The following SYNPO2 variants were observed in gnomAD, a reference collection of about 807,000 sequenced individuals.
SYNPO2 encodes synaptopodin-2.
SYNPO2 carries 56 observed loss-of-function variants against 85.0 expected under a neutral mutation model. That is an observed-to-expected ratio of 0.66 (90% confidence interval 0.53 to 0.82). The LOEUF (loss-of-function observed/expected upper bound fraction) is 0.82, where lower values mean the gene tolerates loss of function less well. SYNPO2 is among the 40% of genes least tolerant of loss of function. The pLI is 0.00. For synonymous variants in SYNPO2, 602 were observed against 591.1 expected, an observed-to-expected ratio of 1.02 and a Z score of -0.27; for missense variants, 1,575 against 1,534.2, an observed-to-expected ratio of 1.03 and a Z score of -0.44.
At chr4:118,876,717 C>CTTTCTTTCTTTCT (rs1270991080) in intron 1 of SYNPO2, among the ~76,000 whole-genome samples, 2 of 119,606 alleles carry the variant, frequency 1.7e-5, no homozygotes, top group Non-Finnish European at 3.6e-5. Flanking sequence ...TTCTTTCTTT[C>CTTTCTTTCTTTCT]TTTCTTTCTT....
At chr4:118,903,837 G>A (rs1164953308) in intron 1 of SYNPO2, among the ~76,000 whole-genome samples, 1 of 151,804 alleles carries the variant, frequency 6.6e-6, no homozygotes, top group Non-Finnish European at 1.5e-5. Flanking sequence ...TCAGCCTCCC[G>A]AGTCGCTGGG....
intron 1 of SYNPO2, among the ~76,000 whole-genome samples, chr4:119,014,963 T>C (rs563482355): frequency 7.5e-4 from 115 of 152,348 alleles, no homozygotes; most frequent in African/African-American, 2.6e-3. Flanking sequence ...CTACAGTAAA[T>C]GTTCAGTGCA....
rs140073975 is a variant in SYNPO2 at position 118,950,769 on chromosome 4, G to C, written c.105+61628G>C. Among the ~76,000 whole-genome samples, 65 of 152,320 alleles carry C rather than the reference G, an allele frequency of 4.3e-4. 1 individual carries two copies. Among genetic ancestry groups the C allele is most frequent in the Non-Finnish European group, 8.7e-4 (59 of 68,036 alleles). On this transcript the variant is annotated intron_variant, in intron 1 of 4. Coordinates refer to ENST00000307142, the MANE Select transcript of SYNPO2 (RefSeq NM_133477.3). Reference sequence around the variant, plus strand: ...TTGGTTAGTGAGGTCCCACATGCCAGAGCATAAGAATACAGAAAATAATAT... The same window carrying C: ...TTGGTTAGTGAGGTCCCACATGCCACAGCATAAGAATACAGAAAATAATAT...
At chr4:118,902,732 C>G (rs1049088216) in intron 1 of SYNPO2, among the ~76,000 whole-genome samples, 1 of 152,044 alleles carries the variant, frequency 6.6e-6, no homozygotes, top group African/African-American at 2.4e-5. Context: ...AATGTATTCT[C>G]CCCGTGAGAG....
chr4:118,957,054 A>T (rs575470438), intron 1 of SYNPO2, among the ~76,000 whole-genome samples: 233 of 149,740 alleles, frequency 1.6e-3, no homozygotes, highest in Non-Finnish European at 2.7e-3. Flanking sequence ...CAAAAAAAAT[A>T]AAAAAAATAA....
At chr4:118,915,944 A>G (rs530453657) in intron 1 of SYNPO2, among the ~76,000 whole-genome samples, 8 of 152,262 alleles carry the variant, frequency 5.3e-5, no homozygotes, top group African/African-American at 1.7e-4. Flanking sequence ...ACTACCACGT[A>G]AATTAAATAT....
chr4:118,917,788 TTA>T (rs1733401092), intron 1 of SYNPO2, among the ~76,000 whole-genome samples: 1 of 152,244 alleles, frequency 6.6e-6, no homozygotes, highest in Non-Finnish European at 1.5e-5. Flanking sequence ...AGATTTTTTA[TTA>T]TGCCATGAGT....
chr4:118,858,669 T>G (rs74626083), intron 1 of SYNPO2, among the ~76,000 whole-genome samples: 3,921 of 152,242 alleles, frequency 0.026, 145 homozygotes, highest in African/African-American at 0.08. Flanking sequence ...TCCCCTATGA[T>G]ATTACCACAC....
chr4:118,971,724 C>T (rs6855192), intron 1 of SYNPO2, among the ~76,000 whole-genome samples: 105,479 of 151,990 alleles, frequency 0.69, 36,921 homozygotes, highest in South Asian at 0.79. Flanking sequence ...AAGAGAAAGA[C>T]CTGGCCAGCT....
At chr4:118,866,281 G>A (rs1731698296) in intron 1 of SYNPO2, among the ~76,000 whole-genome samples, 2 of 152,146 alleles carry the variant, frequency 1.3e-5, no homozygotes, top group South Asian at 2.1e-4. Flanking sequence ...AAGTAGGAAC[G>A]CCCTCCCACT....
intron 1 of SYNPO2, among the ~76,000 whole-genome samples, chr4:118,863,507 C>T (rs1468879527): frequency 5.9e-5 from 9 of 152,114 alleles, no homozygotes; most frequent in African/African-American, 1.9e-4. Flanking sequence ...GGTAATGTCT[C>T]CTTTTTCATC....
At chr4:118,911,517 A>T (rs551930915) in intron 1 of SYNPO2, among the ~76,000 whole-genome samples, 1 of 152,244 alleles carries the variant, frequency 6.6e-6, no homozygotes. Context: ...CTGATGCCTG[A>T]TCCTTTCGTT....
upstream of SYNPO2, among the ~76,000 whole-genome samples, chr4:118,884,449 C>T (rs905424223): frequency 6.6e-6 from 1 of 152,142 alleles, no homozygotes; most frequent in African/African-American, 2.4e-5. Context: ...TCACTCAGGC[C>T]AAGGAAATCT....
At chr4:118,851,487 CA>C (rs1049295439) in intron 1 of SYNPO2, among the ~76,000 whole-genome samples, 2 of 147,544 alleles carry the variant, frequency 1.4e-5, no homozygotes. Context: ...AACTCCATCT[CA>C]AAAAAAAACA....
intron 1 of SYNPO2, among the ~76,000 whole-genome samples, chr4:118,972,852 AT>A (rs1014156291): frequency 2.8e-4 from 42 of 152,322 alleles, no homozygotes; most frequent in Non-Finnish European, 5.7e-4. Flanking sequence ...AGTGTCTTTC[AT>A]TTGAAAATTG....
At chr4:118,850,713 A>C (rs1404362635) in exon 1 of SYNPO2, 7 of 398,528 alleles carry the variant, frequency 1.8e-5, no homozygotes, top group African/African-American at 6.2e-5. Context: ...AATATTCAGA[A>C]CATGTTGCTC....
At chr4:118,934,348 T>G (rs1432162366) in intron 1 of SYNPO2, among the ~76,000 whole-genome samples, 3 of 152,188 alleles carry the variant, frequency 2.0e-5, no homozygotes. Flanking sequence ...GTTTCCTTGT[T>G]GCTGACTTCA....
chr4:118,948,986 GC>G (rs1734596265), intron 1 of SYNPO2, among the ~76,000 whole-genome samples: 4 of 152,296 alleles, frequency 2.6e-5, no homozygotes, highest in Middle Eastern at 6.8e-3. Flanking sequence ...GAATAAGAAA[GC>G]CTGGGTTTCC....
chr4:118,935,404 T>C (rs1322662538), intron 1 of SYNPO2, among the ~76,000 whole-genome samples: 2 of 152,274 alleles, frequency 1.3e-5, no homozygotes, highest in African/African-American at 4.8e-5. Flanking sequence ...CTTAATTTTT[T>C]GTTGTCGTGG....
Sources: gnomAD v4.1 joint callset for allele counts (sites outside exome capture counted in the v4.1 genomes callset) on GRCh38, gnomAD v4.1.1 for gene constraint, MANE v1.5 for transcripts, NCBI Gene and HGNC (gene_info 2026-07-23, HGNC 2026-07-21) for gene names.